The following PTK7 variants were observed in gnomAD, a reference collection of about 807,000 sequenced individuals.
The protein encoded by PTK7 is protein tyrosine kinase 7 (inactive), also known as inactive tyrosine-protein kinase 7.
A neutral mutation model predicts 116.6 loss-of-function variants in PTK7; 39 were observed. The observed-to-expected ratio is 0.33, with a 90% confidence interval of 0.26 to 0.44. The LOEUF (loss-of-function observed/expected upper bound fraction) is 0.44. Among genes scored for constraint, PTK7 ranks in the 20% least tolerant of loss-of-function variants. PTK7 has a pLI of 1.00. For missense variants in PTK7, 1,169 were observed against 1,425.6 expected (o/e 0.82, Z 2.90); for synonymous variants, 546 against 563.6 (o/e 0.97, Z 0.44).
At chr6:43,116,380 G>A (rs1176012565) in intron 1 of PTK7, among the ~76,000 whole-genome samples, 6 of 152,170 alleles carry the variant, frequency 3.9e-5, no homozygotes, top group South Asian at 2.1e-4. Context: ...GCAGCCTGCT[G>A]CCACAGGCCC....
At chr6:43,110,657 G>A (rs530540225) in intron 1 of PTK7, among the ~76,000 whole-genome samples, 36 of 152,152 alleles carry the variant, frequency 2.4e-4, no homozygotes, top group South Asian at 6.2e-4. Context: ...TGATCCACCC[G>A]CCTCGGCCTC....
chr6:43,124,706 A>G (rs1021908628), intron 1 of PTK7, among the ~76,000 whole-genome samples: 1 of 152,158 alleles, frequency 6.6e-6, no homozygotes. Context: ...CAACAGGCCA[A>G]CGTCCCCCGC....
At chr6:43,154,812 G>C (rs1356163796) in intron 17 of PTK7, among the ~76,000 whole-genome samples, 1 of 152,230 alleles carries the variant, frequency 6.6e-6, no homozygotes, top group African/African-American at 2.4e-5. Context: ...GATGCTGAAG[G>C]GCCAGCTCAG....
intron 1 of PTK7, among the ~76,000 whole-genome samples, chr6:43,090,469 T>A (rs1419215033): frequency 6.6e-6 from 1 of 152,146 alleles, no homozygotes; most frequent in East Asian, 1.9e-4. Flanking sequence ...TGGGGCTGTT[T>A]AAGGGCGTTT....
intron 1 of PTK7, among the ~76,000 whole-genome samples, chr6:43,103,320 C>T (rs112991112): frequency 2.6e-5 from 4 of 152,280 alleles, no homozygotes; most frequent in African/African-American, 9.6e-5. Context: ...TGATGGAGAT[C>T]AGAGTATCAC....
At chr6:43,098,461 T>C (rs1767376368) in intron 1 of PTK7, among the ~76,000 whole-genome samples, 1 of 151,932 alleles carries the variant, frequency 6.6e-6, no homozygotes. Flanking sequence ...GTTCAAGCAA[T>C]TCTTCTGCCT....
intron 1 of PTK7, among the ~76,000 whole-genome samples, chr6:43,098,556 G>A (rs571369569): frequency 2.6e-5 from 4 of 151,820 alleles, no homozygotes; most frequent in African/African-American, 7.3e-5. Context: ...GGGTTTTGCC[G>A]TGTTGTCTAG....
chr6:43,153,630 C>G (rs1771256528), intron 17 of PTK7, among the ~76,000 whole-genome samples: 1 of 151,594 alleles, frequency 6.6e-6, no homozygotes, highest in Non-Finnish European at 1.5e-5. Context: ...AGGCTGGTCT[C>G]AAACTCCTAG....
intron 1 of PTK7, among the ~76,000 whole-genome samples, chr6:43,124,718 G>T (rs1464786099): frequency 6.6e-6 from 1 of 152,152 alleles, no homozygotes; most frequent in Non-Finnish European, 1.5e-5. Context: ...GTCCCCCGCT[G>T]CAAGCTGGGC....
chr6:43,118,743 GTGTGTA>G (rs1221698056), intron 1 of PTK7, among the ~76,000 whole-genome samples: 8 of 123,634 alleles, frequency 6.5e-5, no homozygotes, highest in Admixed American at 2.5e-4. Context: ...GTATATATGT[GTGTGTA>G]TGTGTGTGTG....
intron 1 of PTK7, among the ~76,000 whole-genome samples, chr6:43,084,292 G>A (rs1766537220): frequency 1.3e-5 from 2 of 152,234 alleles, no homozygotes; most frequent in African/African-American, 4.8e-5. Flanking sequence ...CACCATACCT[G>A]GCTAGTTTTT....
intron 1 of PTK7, among the ~76,000 whole-genome samples, chr6:43,090,998 C>G (rs3805939): frequency 0.45 from 68,783 of 151,900 alleles, 16,314 homozygotes; most frequent in African/African-American, 0.6. Context: ...ATGGGTCAGC[C>G]TAACCAAGAA....
In PTK7 at chr6:43,159,891, G is replaced by A. The variant is rs868300639; in HGVS notation, c.2977G>A (p.Gly993Ser). The A allele has an allele frequency of 5.6e-6, 9 of 1,614,246 alleles. No individual in the cohort carries two copies. The highest frequency in any genetic ancestry group is 2.2e-5 in the East Asian group (1 of 44,888). ...TACCAAGTCTGATGTCTGGGCCTTC[G>A]GTGTGCTGATGTGGGAAGTGTTTAC... ...FSTKSDVWAFGVLMWEVFTHG... is the reference protein window; with the variant it reads ...FSTKSDVWAFSVLMWEVFTHG... The change falls in exon 19 of 20, where the codon GGT (glycine) becomes AGT (serine). Residue 993 changes from glycine (G) to serine (S), a missense_variant. Physicochemically the swap from Gly to Ser is moderately conservative, Grantham distance 56. Transcript: ENST00000230419.
intron 1 of PTK7, among the ~76,000 whole-genome samples, chr6:43,094,824 C>T (rs566483895): frequency 1.1e-3 from 173 of 151,968 alleles, no homozygotes; most frequent in African/African-American, 4.0e-3. Context: ...CACGGTGGCT[C>T]ACCTGAGGTC....
intron 1 of PTK7, among the ~76,000 whole-genome samples, chr6:43,085,841 G>C (rs954868460): frequency 1.3e-5 from 2 of 151,320 alleles, no homozygotes; most frequent in Non-Finnish European, 2.9e-5. Context: ...GCTGAGGCAG[G>C]AGAATCGCTT....
At chr6:43,134,326 G>T (rs1183133806) in intron 7 of PTK7, among the ~76,000 whole-genome samples, 1 of 152,000 alleles carries the variant, frequency 6.6e-6, no homozygotes, top group Non-Finnish European at 1.5e-5. Context: ...GGTGTGAGCT[G>T]CCATGCCCGG....
intron 15 of PTK7, 174 bp downstream of exon 15, chr6:43,144,780 T>C (rs1770630216): frequency 7.4e-6 from 5 of 675,876 alleles, no homozygotes; most frequent in Non-Finnish European, 1.2e-5. Flanking sequence ...TTCACTGCCC[T>C]TCGTGCAGAT....
intron 1 of PTK7, among the ~76,000 whole-genome samples, chr6:43,095,197 TAAAAAA>T (rs34914497): frequency 4.5e-5 from 4 of 89,014 alleles, no homozygotes; most frequent in African/African-American, 1.3e-4. Flanking sequence ...CAGTCTCTAC[TAAAAAA>T]AAAAAAAAAA....
intron 7 of PTK7, among the ~76,000 whole-genome samples, chr6:43,137,553 A>T (rs1291278550): frequency 4.6e-5 from 7 of 152,220 alleles, no homozygotes; most frequent in Non-Finnish European, 8.8e-5. Context: ...TGGAAATGCC[A>T]GTAGGCAATT....
Sources: gnomAD v4.1 joint callset for allele counts (sites outside exome capture counted in the v4.1 genomes callset) on GRCh38, gnomAD v4.1.1 for gene constraint, MANE v1.5 for transcripts, NCBI Gene and HGNC (gene_info 2026-07-23, HGNC 2026-07-21) for gene names.